WTAP: variants seen among roughly 807,000 people sequenced by gnomAD.
WTAP encodes the protein pre-mRNA-splicing regulator WTAP.
In WTAP, 8 loss-of-function variants were observed where a neutral mutation model predicts 50.0. That is an observed-to-expected ratio of 0.16 (90% confidence interval 0.09 to 0.29). The LOEUF is 0.29. WTAP is among the 10% of genes least tolerant of loss of function. WTAP has a pLI of 1.00. For synonymous variants in WTAP, 194 were observed against 169.0 expected, an observed-to-expected ratio of 1.15 and a Z score of -1.15; for missense variants, 295 against 470.7, an observed-to-expected ratio of 0.63 and a Z score of 3.45.
At chr6:159,727,812 C>G in intron 1 of WTAP, 109 bp downstream of exon 1, 1 of 788,060 alleles carries the variant, frequency 1.3e-6, no homozygotes, top group Non-Finnish European at 1.5e-6. Flanking sequence ...CGAAAGGCCA[C>G]ACGGGCCTGG....
chr6:159,728,812 A>G (rs1267601182), intron 1 of WTAP, among the ~76,000 whole-genome samples: 1 of 152,232 alleles, frequency 6.6e-6, no homozygotes, highest in East Asian at 1.9e-4. Flanking sequence ...TGTTTCTTAC[A>G]GTGCTTTTAT....
chr6:159,745,817 A>T (rs1779543137), intron 5 of WTAP, among the ~76,000 whole-genome samples: 1 of 152,210 alleles, frequency 6.6e-6, no homozygotes, highest in South Asian at 2.1e-4. Flanking sequence ...AATAGTTCAG[A>T]TGAAATACAT....
chr6:159,731,189 T>C (rs757207302), intron 1 of WTAP, among the ~76,000 whole-genome samples: 7 of 151,010 alleles, frequency 4.6e-5, no homozygotes, highest in Non-Finnish European at 7.4e-5. Context: ...AGGCTGGGCA[T>C]GGTGGCTCAC....
chr6:159,727,454 G>T, upstream of WTAP: 1 of 1,062,200 alleles, frequency 9.4e-7, no homozygotes, highest in South Asian at 2.4e-5. Flanking sequence ...GGCGGGGCAG[G>T]GCGGAGCGGA....
intron 5 of WTAP, among the ~76,000 whole-genome samples, chr6:159,747,870 A>G (rs1583100951): frequency 7.0e-6 from 1 of 142,936 alleles, no homozygotes; most frequent in Non-Finnish European, 1.5e-5. Flanking sequence ...AATGGCCTCA[A>G]TTCCTAAGTG....
At chr6:159,727,900 C>T (rs996635133) in intron 1 of WTAP, among the ~76,000 whole-genome samples, 197 bp downstream of exon 1, 6 of 152,350 alleles carry the variant, frequency 3.9e-5, no homozygotes, top group Non-Finnish European at 5.9e-5. Context: ...GCCATTTTAT[C>T]TCTGTCCTCC....
chr6:159,738,901 TCA>T (rs2114908317), intron 2 of WTAP, 87 bp from the exon 3 acceptor site: 2 of 961,686 alleles, frequency 2.1e-6, no homozygotes, highest in East Asian at 5.1e-5. Context: ...CGTTTAAATC[TCA>T]CACTTGGGAG....
chr6:159,738,694 C>G (rs1192593624), intron 2 of WTAP, among the ~76,000 whole-genome samples: 1 of 152,098 alleles, frequency 6.6e-6, no homozygotes, highest in East Asian at 1.9e-4. Flanking sequence ...TTCAGTTTCT[C>G]TGAATCCTCA....
chr6:159,733,303 G>A (rs1778702850), intron 1 of WTAP, among the ~76,000 whole-genome samples: 2 of 152,190 alleles, frequency 1.3e-5, no homozygotes, highest in Admixed American at 1.3e-4. Context: ...TTATCTGTTT[G>A]CTGTATCCCT....
intron 1 of WTAP, among the ~76,000 whole-genome samples, chr6:159,729,212 C>G (rs1179366941): frequency 6.6e-6 from 1 of 152,158 alleles, no homozygotes; most frequent in Non-Finnish European, 1.5e-5. Context: ...CAGTTTTGAT[C>G]ATTATGTATT....
At chr6:159,743,909 A>G in intron 5 of WTAP, 117 bp downstream of exon 5, 5 of 1,138,888 alleles carry the variant, frequency 4.4e-6, no homozygotes, top group East Asian at 3.1e-5. Flanking sequence ...TTTTATAGGT[A>G]CGTATGCTTT....
At chr6:159,731,841 G>A (rs899835866) in intron 1 of WTAP, among the ~76,000 whole-genome samples, 2 of 152,162 alleles carry the variant, frequency 1.3e-5, no homozygotes, top group African/African-American at 2.4e-5. Flanking sequence ...GAATACCAAG[G>A]TTATCAGAAC....
intron 5 of WTAP, among the ~76,000 whole-genome samples, chr6:159,744,930 T>G (rs936253685): frequency 6.6e-6 from 1 of 152,194 alleles, no homozygotes; most frequent in African/African-American, 2.4e-5. Context: ...TCCTTACTCC[T>G]TGGCCTCCCA....
chr6:159,748,972 C>T lies in WTAP; in HGVS notation c.452+603C>T. On this transcript the variant is annotated intron_variant, in intron 6 of 7. Coordinates refer to ENST00000621533, the MANE Select transcript of WTAP (RefSeq NM_001270531.2). The surrounding 1 kb of genome is among the most constrained non-coding windows in gnomAD (Gnocchi z 5.6). ...TTTAAAGGGTTTATTTGCTGAGAAC[C>T]AACTTTCAATAGTCATGAGAGAATC... 3.8e-6 allele frequency: 4 copies of T among 1,058,516 alleles called. No individual in the cohort carries two copies. The highest frequency in any genetic ancestry group is 4.6e-6 in the Non-Finnish European group (4 of 877,928). 65.6% of individuals were successfully genotyped at this position (1,058,516 alleles called of 1,614,324 possible). A position where few individuals can be genotyped will look rare whatever the true frequency, so the allele number is the denominator to read the frequency against.
At position 159,748,301 on chromosome 6, in the gene WTAP, G is replaced by A. The variant is rs1306736914; in HGVS notation, c.384G>A (p.Leu128=). The change falls in exon 6 of 8, where the codon CTG becomes CTA. Residue 128 remains leucine (L), a synonymous_variant. Coordinates refer to ENST00000621533, the MANE Select transcript of WTAP (RefSeq NM_001270531.2). This position sits in a 1 kb window ranked among gnomAD's most constrained non-coding sequence, Gnocchi z 5.6. ...NLFFLKMKGE[L]EQTKDKLEQA... is the part of the protein sequence containing the mutation. ...TTTTCCTAAAAATGAAAGGTGAACT[G>A]GAACAGACTAAAGACAAACTGGAAC... 6.2e-7 allele frequency: 1 copy of A among 1,613,958 alleles called. No homozygotes were observed. The highest frequency in any genetic ancestry group is 1.1e-5 in the South Asian group (1 of 91,080).
chr6:159,727,411 C>T (rs1439215195), upstream of WTAP: 4 of 706,246 alleles, frequency 5.7e-6, no homozygotes, highest in Admixed American at 1.4e-4. Flanking sequence ...GAGGCAGTGG[C>T]GCTGGCCTGC....
chr6:159,748,507 TC>T lies in WTAP; in HGVS notation c.452+140del. On this transcript the variant is annotated intron_variant, in intron 6 of 7. Coordinates refer to ENST00000621533, the MANE Select transcript of WTAP (RefSeq NM_001270531.2). The surrounding 1 kb of genome is among the most constrained non-coding windows in gnomAD (Gnocchi z 5.6). ...AAAAAAAAGCCACATTCTTACACTG[TC>T]CAGCTTGTAATGGTTAATGTAAAAC... 1 of 1,450,208 alleles carries T rather than the reference TC, an allele frequency of 6.9e-7. No individual in the cohort carries two copies. Among genetic ancestry groups the T allele is most frequent in the Non-Finnish European group, 9.1e-7 (1 of 1,098,610 alleles). 89.8% of individuals were successfully genotyped at this position (1,450,208 alleles called of 1,614,324 possible). A position where few individuals can be genotyped will look rare whatever the true frequency, so the allele number is the denominator to read the frequency against.
intron 6 of WTAP, 76 bp from the exon 7 acceptor site, chr6:159,753,384 C>T (rs776122245): frequency 1.0e-5 from 16 of 1,584,602 alleles, no homozygotes; most frequent in Non-Finnish European, 1.3e-5. Context: ...TGTGTTACAT[C>T]TATCACTGTA....
At chr6:159,727,391 C>CGGGAGGCGGGAGGG, upstream of WTAP, 1 of 588,724 alleles carries the variant, frequency 1.7e-6, no homozygotes, top group South Asian at 2.2e-5. Context: ...AGGCGGGAGG[C>CGGGAGGCGGGAGGG]GGGAGGCGGG....
Sources: gnomAD v4.1 joint callset for allele counts (sites outside exome capture counted in the v4.1 genomes callset) on GRCh38, gnomAD v4.1.1 for gene constraint, Gnocchi (gnomAD v3.1) non-coding constraint, MANE v1.5 for transcripts, NCBI Gene and HGNC (gene_info 2026-07-23, HGNC 2026-07-21) for gene names.